KAZN: variants seen among roughly 807,000 people sequenced by gnomAD.
KAZN encodes the protein kazrin, periplakin interacting protein.
A neutral mutation model predicts 87.4 loss-of-function variants in KAZN; 40 were observed. The ratio of observed to expected loss-of-function variants is 0.46; its 90% CI spans 0.36 to 0.60. KAZN has a LOEUF of 0.60. Ranked by LOEUF, KAZN falls within the 20% of genes least tolerant of loss-of-function variation. KAZN has a pLI of 0.00. For synonymous variants in KAZN, 466 were observed against 458.3 expected (o/e 1.02, Z -0.22); for missense variants, 898 against 1,073.9 (o/e 0.84, Z 2.29).
intron 2 of KAZN, among the ~76,000 whole-genome samples, chr1:14,234,614 A>G (rs760315036): frequency 1.3e-5 from 2 of 152,190 alleles, no homozygotes; most frequent in African/African-American, 4.8e-5. Flanking sequence ...TAATTTTCCA[A>G]TTGAACATGA....
intron 1 of KAZN, among the ~76,000 whole-genome samples, chr1:14,750,680 T>C (rs950076497): frequency 2.0e-5 from 3 of 152,122 alleles, no homozygotes; most frequent in African/African-American, 7.2e-5. Flanking sequence ...AACTGATTAA[T>C]TCCTAGACTT....
chr1:14,399,900 C>T (rs12122566), intron 2 of KAZN, among the ~76,000 whole-genome samples: 11,032 of 152,212 alleles, frequency 0.072, 570 homozygotes, highest in South Asian at 0.11. Flanking sequence ...GGCATTTATA[C>T]CCTGTTCATC....
At chr1:14,348,529 G>A (rs907915957) in intron 2 of KAZN, among the ~76,000 whole-genome samples, 1 of 152,172 alleles carries the variant, frequency 6.6e-6, no homozygotes, top group African/African-American at 2.4e-5. Flanking sequence ...AGTTGCCTGG[G>A]GATTTGCACG....
Position 14,949,207 on chromosome 1 carries a change from T to C in KAZN, c.227-11477T>C, listed in dbSNP as rs2101692792. Among the ~76,000 whole-genome samples, 1 of 150,748 alleles carries C rather than the reference T, an allele frequency of 6.6e-6. No homozygotes were observed. The highest frequency in any genetic ancestry group is 6.6e-5 in the Admixed American group (1 of 15,130). On this transcript the variant is annotated intron_variant, in intron 1 of 14. Transcript: ENST00000376030. This position sits in a 1 kb window ranked among gnomAD's most constrained non-coding sequence, Gnocchi z 4.3. Reference sequence around the variant, plus strand: ...TAATAATAAGTAATTTGTCTGTGGTTTTACATTAAGCAACTGAATTGGGAT... The same window carrying C: ...TAATAATAAGTAATTTGTCTGTGGTCTTACATTAAGCAACTGAATTGGGAT...
At chr1:14,317,929 C>T (rs1365279564) in intron 2 of KAZN, among the ~76,000 whole-genome samples, 1 of 151,946 alleles carries the variant, frequency 6.6e-6, no homozygotes, top group Non-Finnish European at 1.5e-5. Context: ...TTATTTATCT[C>T]TGGGTTATCA....
chr1:13,973,679 G>A (rs373577490), intron 1 of KAZN, among the ~76,000 whole-genome samples: 62 of 152,284 alleles, frequency 4.1e-4, no homozygotes, highest in African/African-American at 1.4e-3. Context: ...ATCCCTTTAT[G>A]CATTTTCCTC....
intron 2 of KAZN, among the ~76,000 whole-genome samples, chr1:14,364,534 A>G (rs1385619915): frequency 6.6e-6 from 1 of 152,240 alleles, no homozygotes; most frequent in Middle Eastern, 3.2e-3. Context: ...AGTATATAGG[A>G]AAGGGATCCA....
chr1:14,720,479 G>C (rs1049122567), intron 1 of KAZN, among the ~76,000 whole-genome samples: 4 of 152,136 alleles, frequency 2.6e-5, no homozygotes. Flanking sequence ...TGGAGGCCAG[G>C]AATAAATTTA....
chr1:14,668,329 C>T (rs1639704313), intron 1 of KAZN, among the ~76,000 whole-genome samples: 2 of 152,180 alleles, frequency 1.3e-5, no homozygotes, highest in Non-Finnish European at 2.9e-5. Flanking sequence ...GTGAGTCCAT[C>T]AGCGGTTCAT....
chr1:14,382,477 C>T (rs1212975616), intron 2 of KAZN, among the ~76,000 whole-genome samples: 1 of 96,070 alleles, frequency 1.0e-5, no homozygotes. Flanking sequence ...CCTCCCCCCA[C>T]CCCACAACAG....
chr1:14,499,005 C>T (rs778120127), intron 2 of KAZN, among the ~76,000 whole-genome samples: 142 of 152,102 alleles, frequency 9.3e-4, no homozygotes, highest in Non-Finnish European at 1.1e-3. Context: ...ACAGTTCCCT[C>T]GTTAAACCCT....
chr1:15,029,964 C>A (rs1182612114), intron 2 of KAZN, among the ~76,000 whole-genome samples: 1 of 152,184 alleles, frequency 6.6e-6, no homozygotes, highest in Admixed American at 6.5e-5. Context: ...GAGCCACTCC[C>A]CAAGCTCAGC....
chr1:15,041,133 T>A (rs1381621685), intron 3 of KAZN, among the ~76,000 whole-genome samples: 1 of 150,710 alleles, frequency 6.6e-6, no homozygotes, highest in Non-Finnish European at 1.5e-5. Flanking sequence ...GTATTTTTTT[T>A]TTTTTTTTAG....
intron 2 of KAZN, among the ~76,000 whole-genome samples, chr1:14,479,281 C>A (rs892572646): frequency 1.3e-5 from 2 of 152,238 alleles, no homozygotes; most frequent in African/African-American, 2.4e-5. Flanking sequence ...CAGACATGGG[C>A]TAAGGGATGT....
chr1:14,786,175 C>G (rs1645503498), intron 1 of KAZN, among the ~76,000 whole-genome samples: 12 of 152,190 alleles, frequency 7.9e-5, no homozygotes, highest in Admixed American at 7.9e-4. Flanking sequence ...TAGCATGACT[C>G]TCCAACTCCA....
chr1:14,072,615 C>A (rs992585963), intron 1 of KAZN, among the ~76,000 whole-genome samples: 1 of 152,180 alleles, frequency 6.6e-6, no homozygotes, highest in Non-Finnish European at 1.5e-5. Context: ...CCCTGGTATC[C>A]TTCCACTGGT....
intron 2 of KAZN, among the ~76,000 whole-genome samples, chr1:14,514,487 A>ATAT (rs376925458): frequency 7.4e-3 from 1 of 136 alleles, no homozygotes; most frequent in Non-Finnish European, 0.019. Context: ...TTATATAAAT[A>ATAT]TTTATATATG....
rs1553181094 is a variant in KAZN, at chr1:13,981,089, T to TATATATATATATATA, written c.91+87333_91+87334insATATATATATATATA. Among the ~76,000 whole-genome samples, 59 of 63,124 alleles carry TATATATATATATATA rather than the reference T, an allele frequency of 9.3e-4. 5 individuals carry two copies. The highest frequency in any genetic ancestry group is 0.014 in the Middle Eastern group (1 of 70). The allele number at this position is 63,124 out of a possible 152,430, so 41.4% of individuals were successfully genotyped here. A position where few individuals can be genotyped will look rare whatever the true frequency, so the allele number is the denominator to read the frequency against. On this transcript the variant is annotated intron_variant, in intron 1 of 16. Coordinates refer to the KAZN transcript ENST00000636203. ...TTGGAGAGGTATAAAAAATTACTCT[T>TATATATATATATATA]TATATATATATATATATATATGTAT... is the stretch of plus-strand genomic sequence containing the variant.
chr1:13,978,300 G>T (rs897829117), intron 1 of KAZN, among the ~76,000 whole-genome samples: 1 of 151,982 alleles, frequency 6.6e-6, no homozygotes, highest in Non-Finnish European at 1.5e-5. Context: ...ACCATGTCTG[G>T]CATTTAAGAA....
Sources: gnomAD v4.1 joint callset for allele counts (sites outside exome capture counted in the v4.1 genomes callset) on GRCh38, gnomAD v4.1.1 for gene constraint, Gnocchi (gnomAD v3.1) non-coding constraint, MANE v1.5 for transcripts, NCBI Gene and HGNC (gene_info 2026-07-23, HGNC 2026-07-21) for gene names.